The following GALNT13 variants were observed in gnomAD, a reference collection of about 807,000 sequenced individuals.
GALNT13 encodes polypeptide N-acetylgalactosaminyltransferase 13.
GALNT13 carries 28 observed loss-of-function variants against 64.2 expected under a neutral mutation model. The ratio of observed to expected loss-of-function variants is 0.44; its 90% CI spans 0.32 to 0.60. The LOEUF (loss-of-function observed/expected upper bound fraction) is 0.60. Among genes scored for constraint, GALNT13 ranks in the 20% least tolerant of loss-of-function variants. The pLI is 0.05. For missense variants in GALNT13, 577 were observed against 669.8 expected (o/e 0.86, Z 1.53); for synonymous variants, 214 against 224.6 (o/e 0.95, Z 0.42).
At chr2:153,444,666 T>A in the GALNT13 span, among the ~76,000 whole-genome samples, 1 of 152,234 alleles carries the variant, frequency 6.6e-6, no homozygotes, top group Non-Finnish European at 1.5e-5. Context: ...TTCGCCCTTT[T>A]TGGCATATCA....
chr2:153,932,626 C>CTTTTTTTTTT (rs34617568), intron 2 of GALNT13, among the ~76,000 whole-genome samples: 2 of 95,650 alleles, frequency 2.1e-5, no homozygotes, highest in African/African-American at 4.4e-5. Flanking sequence ...TTCTGTCTTT[C>CTTTTTTTTTT]TTTTTTTTTT....
intron 3 of GALNT13, among the ~76,000 whole-genome samples, chr2:153,949,946 C>A (rs75100126): frequency 6.6e-6 from 1 of 151,876 alleles, no homozygotes; most frequent in Non-Finnish European, 1.5e-5. Flanking sequence ...TAACTCATGT[C>A]ATGAAGTTTG....
chr2:154,347,439 T>G lies in GALNT13; in HGVS notation c.1156+45850T>G, dbSNP rs146926542. Among the ~76,000 whole-genome samples, 133 of 152,296 alleles carry G rather than the reference T, an allele frequency of 8.7e-4. 3 individuals carry two copies. In the East Asian group the frequency reaches 0.019, roughly 22 times the overall value. On this transcript the variant is annotated intron_variant, in intron 9 of 12. Transcript: ENST00000392825. ...ATTTTTATGTACTTAAATCTGCAAT[T>G]ATGCTTCTCTCTAAATTTTTTCTTT...
intron 3 of GALNT13, among the ~76,000 whole-genome samples, chr2:154,033,272 G>A (rs1018743421): frequency 1.1e-4 from 17 of 151,802 alleles, no homozygotes; most frequent in Non-Finnish European, 2.9e-5. Context: ...CAAATTCTTA[G>A]ATATGATACC....
At chr2:153,448,993 T>C in the GALNT13 span, among the ~76,000 whole-genome samples, 1 of 152,160 alleles carries the variant, frequency 6.6e-6, no homozygotes, top group Non-Finnish European at 1.5e-5. Context: ...TCTGTCTTTC[T>C]GTCTCTCTCT....
At chr2:153,271,463 C>G in the GALNT13 span, among the ~76,000 whole-genome samples, 3 of 152,106 alleles carry the variant, frequency 2.0e-5, no homozygotes, top group Admixed American at 6.6e-5. Flanking sequence ...ACAAGCATTC[C>G]TATACACCAA....
the GALNT13 span, among the ~76,000 whole-genome samples, chr2:153,230,340 G>C: frequency 1.3e-5 from 2 of 152,294 alleles, no homozygotes; most frequent in African/African-American, 2.4e-5. Flanking sequence ...AAATATAAAA[G>C]TATTATAGCA....
chr2:153,991,787 A>AT (rs893541270), intron 3 of GALNT13, among the ~76,000 whole-genome samples: 1 of 152,072 alleles, frequency 6.6e-6, no homozygotes, highest in African/African-American at 2.4e-5. Flanking sequence ...AAATTGTTTA[A>AT]TTTTTTTAAC....
At chr2:154,145,040 T>G (rs1683484833) in intron 4 of GALNT13, among the ~76,000 whole-genome samples, 1 of 113,824 alleles carries the variant, frequency 8.8e-6, no homozygotes, top group African/African-American at 2.9e-5. Flanking sequence ...CCTGGGATAT[T>G]TATGTAGTTC....
At chr2:153,108,866 ACCATG>A in the GALNT13 span, among the ~76,000 whole-genome samples, 14 of 152,152 alleles carry the variant, frequency 9.2e-5, no homozygotes, top group Non-Finnish European at 1.9e-4. Context: ...ATAATTTCTA[ACCATG>A]TGCTGATATA....
At chr2:153,861,559 C>CTTTTTTTTTTTTTT in the GALNT13 span, among the ~76,000 whole-genome samples, 66 of 118,174 alleles carry the variant, frequency 5.6e-4, no homozygotes, top group East Asian at 4.8e-3. Context: ...TTCTTTCTTT[C>CTTTTTTTTTTTTTT]TTTTTTTTTT....
intron 7 of GALNT13, among the ~76,000 whole-genome samples, chr2:154,251,035 C>T (rs1220405467): frequency 6.6e-6 from 1 of 151,996 alleles, no homozygotes; most frequent in Non-Finnish European, 1.5e-5. Flanking sequence ...ATATTTGAAT[C>T]TATATTCTAT....
At chr2:153,160,788 G>C in the GALNT13 span, among the ~76,000 whole-genome samples, 1 of 152,144 alleles carries the variant, frequency 6.6e-6, no homozygotes, top group Admixed American at 6.5e-5. Flanking sequence ...TAATATCATA[G>C]TGGTATCCTT....
At chr2:154,240,686 T>A (rs1441523594) in intron 4 of GALNT13, among the ~76,000 whole-genome samples, 1 of 152,138 alleles carries the variant, frequency 6.6e-6, no homozygotes, top group Non-Finnish European at 1.5e-5. Context: ...GCTCTTTTAA[T>A]TTTGCCATCT....
intron 4 of GALNT13, among the ~76,000 whole-genome samples, chr2:154,202,774 C>T (rs1687242469): frequency 1.3e-5 from 2 of 152,122 alleles, no homozygotes; most frequent in African/African-American, 4.8e-5. Flanking sequence ...TATACTTCAG[C>T]ATTTCAGCAT....
the GALNT13 span, among the ~76,000 whole-genome samples, chr2:153,838,629 C>G: frequency 2.6e-5 from 4 of 151,954 alleles, no homozygotes; most frequent in African/African-American, 4.8e-5. Flanking sequence ...GTGCAAAAGT[C>G]TGTTTTAATG....
intron 10 of GALNT13, among the ~76,000 whole-genome samples, chr2:154,404,587 T>C (rs1468134706): frequency 1.3e-5 from 2 of 152,094 alleles, no homozygotes; most frequent in Non-Finnish European, 2.9e-5. Context: ...TTCAGGCCAA[T>C]TGGATAATAG....
At chr2:153,736,998 C>T in the GALNT13 span, among the ~76,000 whole-genome samples, 1 of 152,152 alleles carries the variant, frequency 6.6e-6, no homozygotes, top group Non-Finnish European at 1.5e-5. Context: ...GAGGGCAGTC[C>T]TCTGCAAGCC....
At chr2:153,776,714 A>G in the GALNT13 span, among the ~76,000 whole-genome samples, 3 of 152,332 alleles carry the variant, frequency 2.0e-5, no homozygotes, top group East Asian at 5.8e-4. Flanking sequence ...ACCTTCTATA[A>G]CAATCTTTGT....
Sources: allele counts gnomAD v4.1 joint callset (sites outside exome capture counted in the v4.1 genomes callset), GRCh38; gene constraint gnomAD v4.1.1; transcripts MANE v1.5; gene names NCBI Gene and HGNC (gene_info 2026-07-23, HGNC 2026-07-21).